Variants in ANKRD30BL observed in about 807,000 individuals in gnomAD.
The protein encoded by ANKRD30BL is ankyrin repeat domain 30B like.
A neutral mutation model predicts 18.4 loss-of-function variants in ANKRD30BL; 20 were observed. The observed-to-expected ratio is 1.09, with a 90% confidence interval of 0.77 to 1.58. The LOEUF (loss-of-function observed/expected upper bound fraction) is 1.58, where lower values mean the gene tolerates loss of function less well. Among genes scored for constraint, ANKRD30BL ranks in the 40% most tolerant of loss-of-function variants. The probability of loss-of-function intolerance (pLI) is 0.00; values close to 1 mark genes in which losing one functional copy is unlikely to be tolerated. For missense variants in ANKRD30BL, 224 were observed against 268.6 expected, an observed-to-expected ratio of 0.83 and a Z score of 1.16; for synonymous variants, 72 against 100.9, an observed-to-expected ratio of 0.71 and a Z score of 1.72.
chr2:132,156,332 C>T (rs1687904439), intron 3 of ANKRD30BL: 1 of 151,980 alleles, frequency 6.6e-6, no homozygotes, highest in South Asian at 2.1e-4. Context: ...AAGACAACCC[C>T]ATTATTAATG....
rs775554058 is a variant in ANKRD30BL, at chr2:132,157,362, T to C, written c.280A>G (p.Arg94Gly). 13 of 751,002 alleles carry C rather than the reference T, an allele frequency of 1.7e-5. No individual in the cohort carries two copies. The highest frequency in any genetic ancestry group is 2.7e-5 in the Non-Finnish European group (11 of 407,880). The allele number at this position is 751,002 out of a possible 1,614,324, so 46.5% of individuals were successfully genotyped here. ...HAEVVTLLVD[R>G]KCQLDVLDGE... ...TCAAGGACGTCAAGCTGACACTTTCTATCTACCAGAAGTGTTACTACTTCT... is the reference window on the plus strand; with the variant it reads ...TCAAGGACGTCAAGCTGACACTTTCCATCTACCAGAAGTGTTACTACTTCT... Residue 94 changes from arginine to glycine, a missense_variant, in exon 2 of 6, where the codon AGA becomes GGA. This residue lies in a region of ANKRD30BL where 131 missense variants were observed against 128.8 expected (regional missense o/e 1.02). Transcript: ENST00000409867.
At chr2:132,253,432 T>C (rs182359611) in intron 1 of ANKRD30BL, 2 of 152,320 alleles carry the variant, frequency 1.3e-5, no homozygotes, top group African/African-American at 4.8e-5. Flanking sequence ...AGAGAGGGGT[T>C]GGAAGGTTTC....
Position 132,221,653 on chromosome 2 carries a change from GC to G in ANKRD30BL, n.441+35875del, listed in dbSNP as rs1308909787. On this transcript the variant is annotated intron_variant and non_coding_transcript_variant, in intron 1 of 4. Coordinates refer to the ANKRD30BL transcript ENST00000470729. ...GTCCGGGAGGGAGGTGGGGGGTTCA[GC>G]CCCCCGCCCGGCCAGCCGCCCCGTC... is the stretch of plus-strand genomic sequence containing the variant. Among the ~76,000 whole-genome samples, 5 of 120,172 alleles carry G rather than the reference GC, an allele frequency of 4.2e-5. No individual in the cohort carries two copies. In the South Asian group the frequency reaches 1.0e-3, roughly 25 times the overall value. 78.8% of individuals were successfully genotyped at this position (120,172 alleles called of 152,430 possible). A position where few individuals can be genotyped will look rare whatever the true frequency, so the allele number is the denominator to read the frequency against.
intron 1 of ANKRD30BL, among the ~76,000 whole-genome samples, chr2:132,214,201 C>T (rs11504868): frequency 6.5e-4 from 97 of 149,868 alleles, no homozygotes; most frequent in Admixed American, 1.7e-3. Flanking sequence ...AATTTCTTTG[C>T]GATTGGTGTA....
chr2:132,156,076 T>G (rs1409333176), intron 3 of ANKRD30BL: 3 of 151,970 alleles, frequency 2.0e-5, no homozygotes. Flanking sequence ...GAAGTATGAA[T>G]AAAACGGCTT....
At chr2:132,200,976 T>C (rs549750355) in intron 1 of ANKRD30BL, among the ~76,000 whole-genome samples, 1 of 152,248 alleles carries the variant, frequency 6.6e-6, no homozygotes, top group East Asian at 1.9e-4. Context: ...AACAGAGTCC[T>C]CAGAAATGAT....
chr2:132,201,708 T>A (rs1679102183), intron 1 of ANKRD30BL, among the ~76,000 whole-genome samples: 1 of 152,160 alleles, frequency 6.6e-6, no homozygotes, highest in Non-Finnish European at 1.5e-5. Flanking sequence ...TGTAAACTAG[T>A]TCAACCACTG....
In ANKRD30BL at chr2:132,148,175, G is replaced by C. The variant is rs28407445; in HGVS notation, c.733C>G (p.Pro245Ala). ...TCCACCAAGCTTTCAGCCGTGTCAG[G>C]TGTTCTTTCCGCCAAGGGTGCAGCC... ...DEAAPLAERT[P>A]DTAESLVERT... The change falls in exon 6 of 6, where the codon CCT (proline) becomes GCT (alanine). Residue 245 changes from proline (P) to alanine (A), a missense_variant. Around this residue, in one of 3 missense-constraint regions of ANKRD30BL, gnomAD observed 63 missense variants for 62.3 expected, o/e 1.01. Transcript: ENST00000409867. 4 of 1,604,048 alleles carry C rather than the reference G, an allele frequency of 2.5e-6. No individual in the cohort carries two copies. The African/African-American group carries it at 5.4e-5, about 21-fold the overall frequency.
intron 1 of ANKRD30BL, among the ~76,000 whole-genome samples, chr2:132,231,704 G>A (rs548332990): frequency 4.6e-5 from 7 of 152,234 alleles, no homozygotes; most frequent in East Asian, 3.9e-4. Flanking sequence ...ACGGAGTCTC[G>A]CTGATTGCTA....
intron 1 of ANKRD30BL, among the ~76,000 whole-genome samples, chr2:132,193,398 T>TG (rs530461943): frequency 9.3e-4 from 141 of 152,294 alleles, no homozygotes; most frequent in South Asian, 2.1e-3. Context: ...CATATCCTTA[T>TG]TCCAGGGCTG....
chr2:132,250,346 A>G (rs1573895680), intron 1 of ANKRD30BL, among the ~76,000 whole-genome samples: 1 of 151,906 alleles, frequency 6.6e-6, no homozygotes, highest in Non-Finnish European at 1.5e-5. Flanking sequence ...CTTTTTCACC[A>G]TGGCCTCAAA....
chr2:132,256,494 G>C (rs979285796), intron 1 of ANKRD30BL, among the ~76,000 whole-genome samples: 3 of 152,244 alleles, frequency 2.0e-5, no homozygotes, highest in African/African-American at 7.2e-5. Flanking sequence ...GGGCGGCCCC[G>C]ACGTTTGGGC....
chr2:132,190,208 A>G (rs1222069220), intron 1 of ANKRD30BL, among the ~76,000 whole-genome samples: 2 of 152,160 alleles, frequency 1.3e-5, no homozygotes, highest in Non-Finnish European at 2.9e-5. Context: ...CTAGTTGGGG[A>G]TAAAACATTT....
At chr2:132,234,417 CAACAA>C (rs1680098213) in intron 1 of ANKRD30BL, among the ~76,000 whole-genome samples, 1 of 151,416 alleles carries the variant, frequency 6.6e-6, no homozygotes, top group Non-Finnish European at 1.5e-5. Context: ...TTGAAAGGAT[CAACAA>C]AATTGATAGA....
intron 1 of ANKRD30BL, among the ~76,000 whole-genome samples, chr2:132,211,713 G>T (rs1489210854): frequency 6.6e-6 from 1 of 151,662 alleles, no homozygotes; most frequent in African/African-American, 2.4e-5. Flanking sequence ...GCTCTTTGGG[G>T]CCTATGGTGG....
At chr2:132,194,075 T>TCA (rs950673271) in intron 1 of ANKRD30BL, among the ~76,000 whole-genome samples, 175 of 139,368 alleles carry the variant, frequency 1.3e-3, no homozygotes, top group African/African-American at 3.3e-3. Context: ...ACACACACAC[T>TCA]CACACACACA....
At chr2:132,208,070 C>T (rs1171210081) in intron 1 of ANKRD30BL, among the ~76,000 whole-genome samples, 4 of 152,044 alleles carry the variant, frequency 2.6e-5, no homozygotes, top group Admixed American at 1.3e-4. Flanking sequence ...TGGAGCCTTG[C>T]CGCTGGCTCC....
At chr2:132,211,534 G>A (rs914843351) in intron 1 of ANKRD30BL, among the ~76,000 whole-genome samples, 3 of 151,636 alleles carry the variant, frequency 2.0e-5, no homozygotes, top group African/African-American at 7.3e-5. Flanking sequence ...TATTTGGAGT[G>A]CTCTGAGGCC....
At chr2:132,215,043 A>G (rs1381427686) in intron 1 of ANKRD30BL, among the ~76,000 whole-genome samples, 1 of 152,122 alleles carries the variant, frequency 6.6e-6, no homozygotes, top group African/African-American at 2.4e-5. Context: ...TCATCCTGAG[A>G]AAATTCTTTG....
Sources: allele counts gnomAD v4.1 joint callset (sites outside exome capture counted in the v4.1 genomes callset), GRCh38; gene constraint gnomAD v4.1.1; regional missense constraint gnomAD v4.1.1; transcripts MANE v1.5; gene names NCBI Gene and HGNC (gene_info 2026-07-23, HGNC 2026-07-21).